The following HIVEP3 variants were observed in gnomAD, a reference collection of about 807,000 sequenced individuals.
HIVEP3 encodes the protein HIVEP zinc finger 3, also known as transcription factor HIVEP3.
Under a neutral mutation model 152.8 loss-of-function variants are expected in HIVEP3, and 49 were observed. That is an observed-to-expected ratio of 0.32 (90% confidence interval 0.26 to 0.41). The LOEUF is 0.41. HIVEP3 is among the 10% of genes least tolerant of loss of function. The probability of loss-of-function intolerance (pLI) is 1.00; values close to 1 mark genes in which losing one functional copy is unlikely to be tolerated. For missense variants in HIVEP3, 2,790 were observed against 3,103.3 expected (o/e 0.90, Z 2.40); for synonymous variants, 1,269 against 1,289.0 (o/e 0.98, Z 0.33).
intron 1 of HIVEP3, among the ~76,000 whole-genome samples, chr1:41,914,156 T>C (rs554493552): frequency 1.4e-4 from 21 of 152,218 alleles, no homozygotes; most frequent in Admixed American, 2.6e-4. Context: ...TCCATTGTTG[T>C]CCTGCCTCCC....
chr1:41,574,408 G>A (rs1644296642), intron 5 of HIVEP3, among the ~76,000 whole-genome samples: 1 of 152,116 alleles, frequency 6.6e-6, no homozygotes, highest in Non-Finnish European at 1.5e-5. Flanking sequence ...TAGGTTTCAG[G>A]GGCATTTGCT....
chr1:41,550,172 G>T (rs1004877513), intron 5 of HIVEP3, among the ~76,000 whole-genome samples: 24 of 152,212 alleles, frequency 1.6e-4, no homozygotes, highest in Non-Finnish European at 5.9e-5. Flanking sequence ...GTTTGTCAAA[G>T]ATCAGATGGT....
Position 41,911,168 on chromosome 1 carries a change from A to G in HIVEP3, c.-801+7245T>C, listed in dbSNP as rs1205510183. 2.0e-5 allele frequency among the ~76,000 whole-genome samples: 3 copies of G among 152,164 alleles called. No individual in the cohort carries two copies. In the East Asian group the frequency reaches 5.8e-4, roughly 29 times the overall value. On this transcript the variant is annotated intron_variant, in intron 1 of 8. Transcript: ENST00000372583. ...CTACAAATAAATAAGAGAGATGTAA[A>G]CTACCCAATTTTCAAATAAATGGGC... is the stretch of plus-strand genomic sequence containing the variant.
intron 3 of HIVEP3, among the ~76,000 whole-genome samples, chr1:41,590,114 CT>C (rs1419354616): frequency 6.6e-6 from 1 of 152,148 alleles, no homozygotes; most frequent in Non-Finnish European, 1.5e-5. Context: ...CAAAAAAATA[CT>C]AAAAGTGGCT....
At chr1:41,532,048 AGAGATGGAGGACAGGG>A (rs1232367342) in intron 5 of HIVEP3, among the ~76,000 whole-genome samples, 3 of 126,744 alleles carry the variant, frequency 2.4e-5, no homozygotes, top group Admixed American at 7.5e-5. Flanking sequence ...AGAGGACAGG[AGAGATGGAGGACAGGG>A]GAGATGGAGG....
chr1:41,889,004 C>T (rs990746541), intron 1 of HIVEP3, among the ~76,000 whole-genome samples: 3 of 148,174 alleles, frequency 2.0e-5, no homozygotes, highest in Admixed American at 1.3e-4. Flanking sequence ...CACCACATAC[C>T]ACATACACAC....
intron 5 of HIVEP3, among the ~76,000 whole-genome samples, chr1:41,529,646 CCA>C (rs1223100468): frequency 4.7e-5 from 7 of 147,562 alleles, no homozygotes; most frequent in Admixed American, 6.7e-5. Context: ...CTCACACACC[CCA>C]CACTCACGCC....
At chr1:42,032,449 G>T (rs1202112419) in intron 1 of HIVEP3, among the ~76,000 whole-genome samples, 1 of 152,178 alleles carries the variant, frequency 6.6e-6, no homozygotes, top group African/African-American at 2.4e-5. Flanking sequence ...TTCTTCATTA[G>T]GCAGAGGGTT....
At chr1:41,779,514 A>G (rs1380951185) in intron 1 of HIVEP3, among the ~76,000 whole-genome samples, 1 of 152,164 alleles carries the variant, frequency 6.6e-6, no homozygotes, top group Non-Finnish European at 1.5e-5. Context: ...TTCTTTTGAG[A>G]CGGAGTCTCC....
At chr1:41,938,283 T>C (rs1645029280) in intron 1 of HIVEP3, among the ~76,000 whole-genome samples, 1 of 152,204 alleles carries the variant, frequency 6.6e-6, no homozygotes, top group Admixed American at 6.5e-5. Context: ...GTTTAACATC[T>C]ACCTTCTCCT....
intron 1 of HIVEP3, among the ~76,000 whole-genome samples, chr1:41,705,171 G>T (rs1459496573): frequency 6.6e-6 from 1 of 152,226 alleles, no homozygotes; most frequent in Non-Finnish European, 1.5e-5. Context: ...AACGTGTCCA[G>T]GCTCACTCAC....
At chr1:41,911,470 A>G (rs1644795058) in intron 1 of HIVEP3, among the ~76,000 whole-genome samples, 1 of 152,214 alleles carries the variant, frequency 6.6e-6, no homozygotes, top group Admixed American at 6.5e-5. Flanking sequence ...CTCATATGAC[A>G]CCATAGAATT....
chr1:41,928,473 T>C (rs1383756988), intron 1 of HIVEP3, among the ~76,000 whole-genome samples: 1 of 152,220 alleles, frequency 6.6e-6, no homozygotes, highest in Non-Finnish European at 1.5e-5. Flanking sequence ...TACATAACCA[T>C]AGTACAATTA....
chr1:41,834,961 C>A (rs1474252666), intron 1 of HIVEP3, among the ~76,000 whole-genome samples: 1 of 152,114 alleles, frequency 6.6e-6, no homozygotes, highest in Non-Finnish European at 1.5e-5. Flanking sequence ...GAAGCTGGAG[C>A]AGCAGGCAGG....
intron 2 of HIVEP3, among the ~76,000 whole-genome samples, chr1:41,656,144 G>C (rs903514186): frequency 1.3e-5 from 2 of 152,188 alleles, no homozygotes; most frequent in African/African-American, 4.8e-5. Flanking sequence ...TCCTTGTCCA[G>C]AGCCTGTCTG....
chr1:41,715,294 T>A (rs1462810371), intron 1 of HIVEP3, among the ~76,000 whole-genome samples: 1 of 152,178 alleles, frequency 6.6e-6, no homozygotes, highest in African/African-American at 2.4e-5. Flanking sequence ...GCAGCATGGA[T>A]GTCAGAGATA....
At chr1:41,940,673 C>A (rs12564094) in intron 1 of HIVEP3, among the ~76,000 whole-genome samples, 3,139 of 152,004 alleles carry the variant, frequency 0.021, 72 homozygotes, top group East Asian at 0.069. Flanking sequence ...GTTGTGTATA[C>A]GGCAACAGGG....
chr1:41,740,595 A>C lies in HIVEP3; in HGVS notation c.-800-39600T>G, dbSNP rs572394255. Among the ~76,000 whole-genome samples the C allele has an allele frequency of 4.6e-5, 7 of 152,384 alleles. No homozygotes were observed. The South Asian group carries it at 6.2e-4, about 14-fold the overall frequency. On this transcript the variant is annotated intron_variant, in intron 1 of 8. Coordinates refer to ENST00000372583, the MANE Select transcript of HIVEP3 (RefSeq NM_024503.5). The stretch of plus-strand genomic sequence containing the variant: ...GCTGGCTCTGGGGCATGTGTCCTTC[A>C]TATTTATTCTACAAACGTTTAATAA...
intron 7 of HIVEP3, among the ~76,000 whole-genome samples, chr1:41,517,812 T>A (rs1642650770): frequency 6.6e-6 from 1 of 152,164 alleles, no homozygotes; most frequent in Admixed American, 6.5e-5. Context: ...TTGACCACCA[T>A]GGCCGGGGTG....
Sources: allele counts gnomAD v4.1 joint callset (sites outside exome capture counted in the v4.1 genomes callset), GRCh38; gene constraint gnomAD v4.1.1; transcripts MANE v1.5; gene names NCBI Gene and HGNC (gene_info 2026-07-23, HGNC 2026-07-21).